The following HPSE2 variants were observed in gnomAD, a reference collection of about 807,000 sequenced individuals.
HPSE2 encodes the protein inactive heparanase-2.
Under a neutral mutation model 60.5 loss-of-function variants are expected in HPSE2, and 38 were observed. The observed-to-expected ratio is 0.63, with a 90% CI of 0.48 to 0.82. HPSE2 has a LOEUF of 0.82. HPSE2 is among the 40% of genes least tolerant of loss of function. The probability of loss-of-function intolerance (pLI) is 0.00; values close to 1 mark genes in which losing one functional copy is unlikely to be tolerated. For synonymous variants in HPSE2, 295 were observed against 293.2 expected (o/e 1.01, Z -0.06); for missense variants, 713 against 740.4 (o/e 0.96, Z 0.43).
intron 3 of HPSE2, among the ~76,000 whole-genome samples, chr10:99,018,974 T>C (rs1244993967): frequency 6.6e-6 from 1 of 152,216 alleles, no homozygotes. Flanking sequence ...AACTAGGTGC[T>C]TCCATGATGT....
chr10:98,912,829 CA>C (rs925019452), intron 3 of HPSE2, among the ~76,000 whole-genome samples: 12 of 143,358 alleles, frequency 8.4e-5, no homozygotes, highest in South Asian at 4.4e-4. Context: ...TTAATGGGTA[CA>C]AAAAAAAAAT....
intron 3 of HPSE2, among the ~76,000 whole-genome samples, chr10:98,955,820 G>C (rs985134206): frequency 6.6e-6 from 1 of 152,146 alleles, no homozygotes; most frequent in Non-Finnish European, 1.5e-5. Flanking sequence ...CATGGATGGA[G>C]CTGGAAGCCA....
chr10:98,829,325 C>T (rs754147505), intron 3 of HPSE2, among the ~76,000 whole-genome samples: 1 of 151,976 alleles, frequency 6.6e-6, no homozygotes, highest in Non-Finnish European at 1.5e-5. Flanking sequence ...GTCAGGAGTT[C>T]GAGACCAGCC....
chr10:98,479,622 G>C (rs981223890), intron 11 of HPSE2, among the ~76,000 whole-genome samples: 1 of 152,200 alleles, frequency 6.6e-6, no homozygotes, highest in Non-Finnish European at 1.5e-5. Context: ...TCGAGCCAAT[G>C]AGGTCTAGAA....
intron 3 of HPSE2, among the ~76,000 whole-genome samples, chr10:99,118,844 C>G (rs926506834): frequency 1.9e-4 from 29 of 152,018 alleles, no homozygotes; most frequent in African/African-American, 6.8e-4. Flanking sequence ...TGATGAAACC[C>G]TGTCTCTACG....
intron 3 of HPSE2, among the ~76,000 whole-genome samples, chr10:98,841,869 C>T (rs934053045): frequency 1.3e-5 from 2 of 151,132 alleles, no homozygotes; most frequent in South Asian, 2.1e-4. Flanking sequence ...TGCAGTGGCA[C>T]GATCTCAACT....
chr10:98,770,178 G>A (rs1178371294), intron 3 of HPSE2, among the ~76,000 whole-genome samples: 1 of 152,104 alleles, frequency 6.6e-6, no homozygotes, highest in Non-Finnish European at 1.5e-5. Flanking sequence ...TGGAAACTTG[G>A]TATGTGTTTT....
In HPSE2 at chr10:98,497,229, A is replaced by C. The variant is rs77927277; in HGVS notation, c.1321-7033T>G. Among the ~76,000 whole-genome samples the C allele has an allele frequency of 5.6e-3, 849 of 152,256 alleles. 9 individuals carry two copies. The highest frequency in any genetic ancestry group is 0.02 in the African/African-American group (817 of 41,562). On this transcript the variant is annotated intron_variant, in intron 9 of 11. Transcript: ENST00000370552. The stretch of plus-strand genomic sequence containing the variant: ...GGAAATTGTGACTTTAAGTGAAATG[A>C]TGTGTAACAAAACCACTTTTTTCCT...
At chr10:98,998,090 G>C (rs1405286316) in intron 3 of HPSE2, among the ~76,000 whole-genome samples, 1 of 152,094 alleles carries the variant, frequency 6.6e-6, no homozygotes, top group Non-Finnish European at 1.5e-5. Context: ...CTCCATTCCA[G>C]GTACTACACT....
At chr10:98,837,919 T>C (rs1002544509) in intron 3 of HPSE2, among the ~76,000 whole-genome samples, 9 of 152,020 alleles carry the variant, frequency 5.9e-5, no homozygotes, top group South Asian at 2.1e-4. Flanking sequence ...CGGTTTTGCT[T>C]AAAAATTTTT....
intron 3 of HPSE2, among the ~76,000 whole-genome samples, chr10:99,000,582 G>A (rs957631962): frequency 2.0e-5 from 3 of 152,090 alleles, no homozygotes; most frequent in African/African-American, 7.2e-5. Flanking sequence ...ACTAAGGCTG[G>A]GAAAAGACTA....
intron 5 of HPSE2, among the ~76,000 whole-genome samples, chr10:98,702,901 AG>A (rs1450798904): frequency 2.0e-5 from 3 of 152,130 alleles, no homozygotes; most frequent in Non-Finnish European, 4.4e-5. Flanking sequence ...CAAATCCAAA[AG>A]CTAGCAGAAG....
At chr10:98,918,050 A>G (rs1302678545) in intron 3 of HPSE2, among the ~76,000 whole-genome samples, 1 of 152,226 alleles carries the variant, frequency 6.6e-6, no homozygotes, top group African/African-American at 2.4e-5. Flanking sequence ...CATATGTTAT[A>G]CACATAAAAT....
At chr10:99,149,858 T>C (rs961843645) in intron 2 of HPSE2, among the ~76,000 whole-genome samples, 3 of 151,706 alleles carry the variant, frequency 2.0e-5, no homozygotes, top group South Asian at 2.1e-4. Flanking sequence ...AAAAACCCTA[T>C]GCTTGTTTTT....
chr10:99,196,031 A>G (rs1463220945), intron 2 of HPSE2, among the ~76,000 whole-genome samples: 1 of 152,116 alleles, frequency 6.6e-6, no homozygotes, highest in African/African-American at 2.4e-5. Flanking sequence ...CGGACAGAAT[A>G]GAGAACCCAG....
intron 3 of HPSE2, among the ~76,000 whole-genome samples, chr10:99,093,470 T>C (rs1843589326): frequency 6.6e-6 from 1 of 152,138 alleles, no homozygotes; most frequent in Non-Finnish European, 1.5e-5. Flanking sequence ...CATGACAGAA[T>C]ACCAGACTGA....
At chr10:98,844,565 T>C (rs1951992357) in intron 3 of HPSE2, among the ~76,000 whole-genome samples, 2 of 152,180 alleles carry the variant, frequency 1.3e-5, no homozygotes. Context: ...AATTAAAAGT[T>C]AGTGCCATGG....
intron 9 of HPSE2, among the ~76,000 whole-genome samples, chr10:98,510,638 G>C (rs979689500): frequency 1.3e-5 from 2 of 152,202 alleles, no homozygotes; most frequent in African/African-American, 4.8e-5. Context: ...TGTGGCCCTG[G>C]ACTCTGACCC....
chr10:98,533,640 G>C (rs1036076452), intron 9 of HPSE2, among the ~76,000 whole-genome samples: 1 of 152,166 alleles, frequency 6.6e-6, no homozygotes, highest in African/African-American at 2.4e-5. Flanking sequence ...CAGCAATGGG[G>C]TCAGCTGAGG....
Sources: gnomAD v4.1 joint callset for allele counts (sites outside exome capture counted in the v4.1 genomes callset) on GRCh38, gnomAD v4.1.1 for gene constraint, MANE v1.5 for transcripts, NCBI Gene and HGNC (gene_info 2026-07-23, HGNC 2026-07-21) for gene names.